The following MEGF11 variants were observed in gnomAD, a reference collection of about 807,000 sequenced individuals.
MEGF11 encodes multiple EGF like domains 11.
Under a neutral mutation model 146.6 loss-of-function variants are expected in MEGF11, and 126 were observed. The observed-to-expected ratio is 0.86, with a 90% CI of 0.74 to 1.00. MEGF11 has a LOEUF of 1.00. Ranked by LOEUF, MEGF11 falls within the 50% of genes least tolerant of loss-of-function variation. MEGF11 has a pLI of 0.00. For missense variants in MEGF11, 1,509 were observed against 1,521.2 expected, an observed-to-expected ratio of 0.99 and a Z score of 0.13; for synonymous variants, 532 against 583.4, an observed-to-expected ratio of 0.91 and a Z score of 1.27.
In MEGF11 at chr15:66,220,647, T is replaced by C. The variant is rs189725804; in HGVS notation, c.-9+32958A>G. ...TGACCTCCCAGGATCACGCAATCCT[T>C]TCACCTCAGCCTCCAGAGTAGCTGG... On this transcript the variant is annotated intron_variant, in intron 1 of 25. Transcript: ENST00000395614. Among the ~76,000 whole-genome samples the C allele has an allele frequency of 2.8e-3, 431 of 151,298 alleles. 3 individuals carry two copies. The highest frequency in any genetic ancestry group is 9.8e-3 in the African/African-American group (403 of 41,108).
At chr15:66,195,490 G>A (rs970663892) in intron 1 of MEGF11, among the ~76,000 whole-genome samples, 4 of 152,202 alleles carry the variant, frequency 2.6e-5, no homozygotes, top group Admixed American at 2.0e-4. Context: ...TATGTGTGCA[G>A]GTTGTTTATT....
chr15:65,946,585 G>A (rs948687162), intron 10 of MEGF11, among the ~76,000 whole-genome samples: 2 of 152,174 alleles, frequency 1.3e-5, no homozygotes, highest in East Asian at 1.9e-4. Flanking sequence ...TAGAGATGGG[G>A]TTTCACCATG....
chr15:66,114,739 TAGCTGTAGATAATGGA>T (rs1001373044), intron 4 of MEGF11, among the ~76,000 whole-genome samples: 2 of 150,838 alleles, frequency 1.3e-5, no homozygotes, highest in Admixed American at 1.3e-4. Flanking sequence ...GACTCCGCTG[TAGCTGTAGATAATGGA>T]AGCGGAAAGA....
intron 5 of MEGF11, among the ~76,000 whole-genome samples, chr15:65,987,620 C>T (rs1341217735): frequency 1.3e-5 from 2 of 152,158 alleles, no homozygotes; most frequent in Non-Finnish European, 2.9e-5. Flanking sequence ...TTTTCCATCA[C>T]CCCAAATATA....
chr15:65,977,042 G>A (rs2081473969), intron 7 of MEGF11, among the ~76,000 whole-genome samples: 1 of 151,930 alleles, frequency 6.6e-6, no homozygotes, highest in Non-Finnish European at 1.5e-5. Context: ...GATGGCGGGT[G>A]CCTGTAGTCC....
chr15:66,168,265 A>G (rs908464966), intron 1 of MEGF11, among the ~76,000 whole-genome samples: 7 of 151,718 alleles, frequency 4.6e-5, no homozygotes, highest in African/African-American at 1.7e-4. Context: ...TTTTTGCCTT[A>G]ACTCCCTTGT....
intron 8 of MEGF11, among the ~76,000 whole-genome samples, chr15:65,966,226 C>A (rs1168565462): frequency 6.6e-6 from 1 of 152,090 alleles, no homozygotes; most frequent in Non-Finnish European, 1.5e-5. Flanking sequence ...AATCTCTTGA[C>A]CTCATGATCC....
intron 9 of MEGF11, among the ~76,000 whole-genome samples, chr15:65,963,599 G>A (rs540589454): frequency 6.6e-6 from 1 of 152,182 alleles, no homozygotes; most frequent in Non-Finnish European, 1.5e-5. Context: ...GAAGAAATAC[G>A]GTAGAAGGTG....
At chr15:66,117,209 A>AC (rs1207900778) in intron 4 of MEGF11, among the ~76,000 whole-genome samples, 3 of 151,982 alleles carry the variant, frequency 2.0e-5, no homozygotes, top group East Asian at 3.9e-4. Context: ...TCAAACCCAG[A>AC]CCCCTGTGAT....
At chr15:66,082,947 T>C (rs1413040255) in intron 5 of MEGF11, among the ~76,000 whole-genome samples, 2 of 152,138 alleles carry the variant, frequency 1.3e-5, no homozygotes, top group African/African-American at 4.8e-5. Context: ...TTGGGACCCC[T>C]CACCTGTCCC....
At position 66,123,035 on chromosome 15, in the gene MEGF11, G is replaced by A. The variant is rs545492087; in HGVS notation, c.200+864C>T. The stretch of plus-strand genomic sequence containing the variant: ...CCTGACCTTGTGATACGCCCACCTC[G>A]GCCTCCCAAAGTGCTGGGATTTCAG... On this transcript the variant is annotated intron_variant, in intron 3 of 25. Coordinates refer to ENST00000395614, the MANE Select transcript of MEGF11 (RefSeq NM_001385028.1). Among the ~76,000 whole-genome samples the A allele has an allele frequency of 7.2e-5, 11 of 152,188 alleles. No individual in the cohort carries two copies. In the South Asian group the frequency reaches 1.9e-3, roughly 26 times the overall value.
At chr15:66,181,580 T>C (rs1056008744) in intron 1 of MEGF11, among the ~76,000 whole-genome samples, 1 of 152,152 alleles carries the variant, frequency 6.6e-6, no homozygotes, top group Non-Finnish European at 1.5e-5. Flanking sequence ...GATGCCAATC[T>C]TAGAAAGAAT....
At chr15:66,122,755 G>A (rs1261478637) in intron 3 of MEGF11, among the ~76,000 whole-genome samples, 1 of 147,854 alleles carries the variant, frequency 6.8e-6, no homozygotes, top group Non-Finnish European at 1.5e-5. Flanking sequence ...GGTAGAACAA[G>A]GTTTATTAAG....
intron 19 of MEGF11, 41 bp downstream of exon 19, chr15:65,915,429 C>G (rs1393468957): frequency 3.1e-6 from 5 of 1,604,340 alleles, no homozygotes; most frequent in Non-Finnish European, 4.3e-6. Flanking sequence ...TGCCATGGGG[C>G]CCTTTCCACA....
intron 1 of MEGF11, among the ~76,000 whole-genome samples, chr15:66,131,106 G>A (rs1217116186): frequency 6.6e-6 from 1 of 152,210 alleles, no homozygotes; most frequent in Non-Finnish European, 1.5e-5. Context: ...ACATATTAGG[G>A]AGCAGAGGAA....
chr15:66,081,143 C>T (rs1437566774), intron 5 of MEGF11, among the ~76,000 whole-genome samples: 2 of 152,188 alleles, frequency 1.3e-5, no homozygotes, highest in East Asian at 1.9e-4. Flanking sequence ...ATCACAAGGC[C>T]GCCCCATCCC....
intron 2 of MEGF11, among the ~76,000 whole-genome samples, chr15:66,125,890 G>A (rs907804007): frequency 3.9e-5 from 6 of 152,124 alleles, no homozygotes; most frequent in Admixed American, 2.0e-4. Flanking sequence ...GCCCAGCAGA[G>A]GGCTGGAGGG....
In MEGF11 at chr15:65,957,554, C is replaced by T. The variant is rs1464363505; in HGVS notation, c.1280G>A (p.Gly427Asp). Residue 427 changes from glycine to aspartate, a missense_variant, in exon 10 of 26, where the codon GGC (glycine) becomes GAC (aspartate). Physicochemically the swap from Gly to Asp is moderately conservative, Grantham distance 94. Coordinates refer to ENST00000395614, the MANE Select transcript of MEGF11 (RefSeq NM_001385028.1). ...SITGGCTCAP[G>D]FMGEVCAVSC... ...AGGCCCCTCCCATCTTACCATGAAG[C>T]CCGGAGCACAAGTGCAGCCCCCAGT... The T allele has an allele frequency of 6.2e-7, 1 of 1,613,158 alleles. No homozygotes were observed. The highest frequency in any genetic ancestry group is 8.5e-7 in the Non-Finnish European group (1 of 1,179,614).
chr15:66,150,838 G>GAGAC (rs1229543246), intron 1 of MEGF11, among the ~76,000 whole-genome samples: 39 of 110,398 alleles, frequency 3.5e-4, no homozygotes, highest in Non-Finnish European at 2.0e-4. Context: ...GAGAGAGAGA[G>GAGAC]AGAGAGAGAG....
Sources: allele counts gnomAD v4.1 joint callset (sites outside exome capture counted in the v4.1 genomes callset), GRCh38; gene constraint gnomAD v4.1.1; transcripts MANE v1.5; gene names NCBI Gene and HGNC (gene_info 2026-07-23, HGNC 2026-07-21).